MMP7: variants seen among roughly 807,000 people sequenced by gnomAD.
MMP7 encodes the protein matrilysin.
Under a neutral mutation model 31.5 loss-of-function variants are expected in MMP7, and 26 were observed. The ratio of observed to expected loss-of-function variants is 0.83; its 90% CI spans 0.61 to 1.15. The LOEUF is 1.15. Among genes scored for constraint, MMP7 ranks in the 50% most tolerant of loss-of-function variants. The pLI, the probability that MMP7 is intolerant of heterozygous loss-of-function variation, is 0.00. For synonymous variants in MMP7, 142 were observed against 124.2 expected (o/e 1.14, Z -0.95); for missense variants, 367 against 326.5 (o/e 1.12, Z -0.96).
intron 3 of MMP7, chr11:102,527,243 T>A: frequency 2.4e-6 from 1 of 413,000 alleles, no homozygotes; most frequent in Non-Finnish European, 4.4e-6. Flanking sequence ...AATAGGGAAA[T>A]GAAGGAGCCT....
At chr11:102,527,426 T>C (rs1242643566) in intron 3 of MMP7, 98 bp downstream of exon 3, 3 of 1,370,902 alleles carry the variant, frequency 2.2e-6, no homozygotes, top group Admixed American at 1.7e-5. Flanking sequence ...CAATCATATC[T>C]CATTAAAGGA....
intron 4 of MMP7, chr11:102,524,506 G>A (rs1188790175): frequency 1.3e-5 from 2 of 151,916 alleles, no homozygotes; most frequent in East Asian, 1.9e-4. Flanking sequence ...TTCCATTTGG[G>A]GCATGTATTT....
chr11:102,525,687 C>T lies in MMP7; in HGVS notation c.485-623G>A, dbSNP rs529510420. Among the ~76,000 whole-genome samples, 4 of 151,380 alleles carry T rather than the reference C, an allele frequency of 2.6e-5. No individual in the cohort carries two copies. The South Asian group carries it at 8.4e-4, about 32-fold the overall frequency. Reference sequence around the variant, plus strand: ...GCTTTTGTTAAATTTGACCACTTTGCTCGGCCAAAGGGTGGTGGGAGGGAG... The same window carrying T: ...GCTTTTGTTAAATTTGACCACTTTGTTCGGCCAAAGGGTGGTGGGAGGGAG... On this transcript the variant is annotated intron_variant, in intron 3 of 5. Transcript: ENST00000260227.
Position 102,530,653 on chromosome 11 carries a change from C to T in MMP7, c.48G>A (p.Leu16=). The change falls in exon 1 of 6, where the codon CTG becomes CTA. Residue 16 remains leucine (L), a synonymous_variant. Coordinates refer to ENST00000260227, the MANE Select transcript of MMP7 (RefSeq NM_002423.5). ...CCGCCTCCTGAGGCAGCGGCAGGGCCAGGCTGCCAGGCAGCAGGCACACAG... is the reference window on the plus strand; with the variant it reads ...CCGCCTCCTGAGGCAGCGGCAGGGCTAGGCTGCCAGGCAGCAGGCACACAG... The part of the protein sequence containing the change: ...LCAVCLLPGS[L]ALPLPQEAGG... 2 of 1,614,006 alleles carry T rather than the reference C, an allele frequency of 1.2e-6. No homozygotes were observed. The highest frequency in any genetic ancestry group is 1.7e-6 in the Non-Finnish European group (2 of 1,179,972).
chr11:102,525,475 C>G (rs889005487), intron 3 of MMP7, among the ~76,000 whole-genome samples: 2 of 150,170 alleles, frequency 1.3e-5, no homozygotes, highest in African/African-American at 4.8e-5. Flanking sequence ...AAAAGGCAGC[C>G]CAGTGCAAGT....
At position 102,520,600 on chromosome 11, in the gene MMP7, C is replaced by T. The variant is rs1248744324; in HGVS notation, c.*176G>A. On this transcript the variant is annotated 3_prime_UTR_variant, in exon 6 of 6. Transcript: ENST00000260227. ...CAAGTATAGATGAATAAGACACAGTCACACCATAAAGGAGTTTATCCTTAA... is the reference window on the plus strand; with the variant it reads ...CAAGTATAGATGAATAAGACACAGTTACACCATAAAGGAGTTTATCCTTAA... 5.7e-6 allele frequency: 3 copies of T among 529,358 alleles called. No homozygotes were observed. Among genetic ancestry groups the T allele is most frequent in the Non-Finnish European group, 6.7e-6 (2 of 297,400 alleles). The allele number at this position is 529,358 out of a possible 1,614,324, so 32.8% of individuals were successfully genotyped here.
In MMP7 at chr11:102,523,350, A is replaced by G. The variant is rs377478053; in HGVS notation, c.665T>C (p.Met222Thr). 13 of 1,611,986 alleles carry G rather than the reference A, an allele frequency of 8.1e-6. No homozygotes were observed. The African/African-American group carries it at 1.5e-4, about 18-fold the overall frequency. ...ATHELGHSLG[M>T]GHSSDPNAVM... is the part of the protein sequence containing the mutation. ...TGCATTAGGATCAGAGGAATGTCCC[A>G]TACCCAAAGAATGGCCAAGTTCATG... Residue 222 changes from methionine (M) to threonine (T), a missense_variant, in exon 5 of 6, where the codon ATG becomes ACG. Coordinates refer to ENST00000260227, the MANE Select transcript of MMP7 (RefSeq NM_002423.5).
Position 102,525,003 on chromosome 11 carries a change from A to G in MMP7, c.546T>C (p.Pro182=). The G allele has an allele frequency of 1.2e-6, 2 of 1,613,932 alleles. No homozygotes were observed. The highest frequency in any genetic ancestry group is 1.7e-6 in the Non-Finnish European group (2 of 1,179,936). The change falls in exon 4 of 6, where the codon CCT becomes CCC. Residue 182 remains proline (P), a synonymous_variant. Coordinates refer to ENST00000260227, the MANE Select transcript of MMP7 (RefSeq NM_002423.5). ...PGNTLAHAFA[P]GTGLGGDAHF... is the part of the protein sequence containing the mutation. ...GAGCATCTCCTCCGAGACCTGTCCC[A>G]GGCGCAAAGGCATGAGCCAGCGTGT...
chr11:102,526,666 C>A (rs1427837814), intron 3 of MMP7, among the ~76,000 whole-genome samples: 2 of 152,172 alleles, frequency 1.3e-5, no homozygotes, highest in Admixed American at 1.3e-4. Context: ...AGCTGCGACT[C>A]TTTCTGTTGA....
At chr11:102,522,683 G>A (rs1261907848) in intron 5 of MMP7, among the ~76,000 whole-genome samples, 2 of 152,124 alleles carry the variant, frequency 1.3e-5, no homozygotes, top group East Asian at 1.9e-4. Flanking sequence ...CCAAATCAGT[G>A]CACTTAAAAA....
intron 3 of MMP7, 133 bp from the exon 4 acceptor site, chr11:102,525,197 C>T (rs1233206568): frequency 2.6e-5 from 28 of 1,088,212 alleles, no homozygotes; most frequent in South Asian, 1.8e-4. Flanking sequence ...GCTCACTTTG[C>T]GAGGCCGAGG....
At chr11:102,525,904 G>C (rs1411371758) in intron 3 of MMP7, among the ~76,000 whole-genome samples, 1 of 151,826 alleles carries the variant, frequency 6.6e-6, no homozygotes, top group Non-Finnish European at 1.5e-5. Context: ...TTATCTTCGA[G>C]GTGATATGAG....
chr11:102,525,463 A>G (rs896015014), intron 3 of MMP7, among the ~76,000 whole-genome samples: 4 of 151,896 alleles, frequency 2.6e-5, no homozygotes, highest in Non-Finnish European at 5.9e-5. Flanking sequence ...TTAAAAAAAA[A>G]AAAAAGGCAG....
At position 102,524,993 on chromosome 11, in the gene MMP7, G is replaced by C. The variant is rs201879493; in HGVS notation, c.556C>G (p.Leu186Val). Reference protein sequence around the residue: ...LAHAFAPGTGLGGDAHFDEDE... With the variant: ...LAHAFAPGTGVGGDAHFDEDE... ...TCATCGAAGTGAGCATCTCCTCCGA[G>C]ACCTGTCCCAGGCGCAAAGGCATGA... Residue 186 changes from leucine (L) to valine (V), a missense_variant, in exon 4 of 6, where the codon CTC becomes GTC. Coordinates refer to ENST00000260227, the MANE Select transcript of MMP7 (RefSeq NM_002423.5). 3 of 1,613,962 alleles carry C rather than the reference G, an allele frequency of 1.9e-6. No individual in the cohort carries two copies. In the African/African-American group the frequency reaches 4.0e-5, roughly 22 times the overall value.
intron 3 of MMP7, 126 bp from the exon 4 acceptor site, chr11:102,525,190 C>T (rs1858656186): frequency 8.2e-7 from 1 of 1,220,344 alleles, no homozygotes; most frequent in South Asian, 1.6e-5. Flanking sequence ...CATGGTGGCT[C>T]ACTTTGCGAG....
intron 2 of MMP7, 26 bp from the exon 3 acceptor site, chr11:102,527,698 T>A (rs1366536961): frequency 6.2e-7 from 1 of 1,607,838 alleles, no homozygotes; most frequent in South Asian, 1.1e-5. Flanking sequence ...AAAACAATGT[T>A]TGACCCCTAG....
chr11:102,527,393 C>T, intron 3 of MMP7, 131 bp downstream of exon 3: 1 of 1,100,262 alleles, frequency 9.1e-7, no homozygotes. Context: ...ATTGCTAAAT[C>T]TATCTATTAA....
intron 3 of MMP7, 67 bp from the exon 4 acceptor site, chr11:102,525,131 A>C: frequency 6.5e-7 from 1 of 1,544,420 alleles, no homozygotes; most frequent in Non-Finnish European, 8.7e-7. Flanking sequence ...TTTATTTTTC[A>C]GTTTATACGA....
At position 102,527,624 on chromosome 11, in the gene MMP7, T is replaced by C; in HGVS notation, c.384A>G (p.Leu128=). 2 of 1,614,140 alleles carry C rather than the reference T, an allele frequency of 1.2e-6. No homozygotes were observed. Among genetic ancestry groups the C allele is most frequent in the Non-Finnish European group, 1.7e-6 (2 of 1,180,000 alleles). Residue 128 remains leucine, a synonymous_variant, in exon 3 of 6, where the codon TTA becomes TTG. Coordinates refer to ENST00000260227, the MANE Select transcript of MMP7 (RefSeq NM_002423.5). The part of the protein sequence containing the change: ...RDLPHITVDR[L]VSKALNMWGK... ...CCCACATGTTTAAAGCCTTTGACAC[T>C]AATCGATCCACTGTAATATGCGGTA...
Sources: allele counts gnomAD v4.1 joint callset (sites outside exome capture counted in the v4.1 genomes callset), GRCh38; gene constraint gnomAD v4.1.1; transcripts MANE v1.5; gene names NCBI Gene and HGNC (gene_info 2026-07-23, HGNC 2026-07-21).